FBRS: variants seen among roughly 807,000 people sequenced by gnomAD.
The protein encoded by FBRS is probable fibrosin-1.
In FBRS, 15 loss-of-function variants were observed where a neutral mutation model predicts 86.1. The observed-to-expected ratio is 0.17, with a 90% CI of 0.12 to 0.27. The LOEUF (loss-of-function observed/expected upper bound fraction) is 0.27, where lower values mean the gene tolerates loss of function less well. Ranked by LOEUF, FBRS falls within the 10% of genes least tolerant of loss-of-function variation. FBRS has a pLI of 1.00. For missense variants in FBRS, 1,367 were observed against 1,301.6 expected, an observed-to-expected ratio of 1.05 and a Z score of -0.77; for synonymous variants, 666 against 575.8, an observed-to-expected ratio of 1.16 and a Z score of -2.24.
rs1374955464 is a variant in FBRS at position 30,669,468 on chromosome 16, C to A, written c.2766C>A (p.His922Gln). ...GCCTCTACGGTCTGGAACCTGCTCACCCCTTGCTCTACAGCCGCTTGGCTC... is the reference window on the plus strand; with the variant it reads ...GCCTCTACGGTCTGGAACCTGCTCAACCCTTGCTCTACAGCCGCTTGGCTC... ...AARLYGLEPAHPLLYSRLAPP... is the reference protein window; with the variant it reads ...AARLYGLEPAQPLLYSRLAPP... Residue 922 changes from histidine to glutamine, a missense_variant, in exon 18 of 18, where the codon CAC becomes CAA. Around this residue, in one of 3 missense-constraint regions of FBRS, gnomAD observed 659 missense variants for 678.8 expected, o/e 0.97. Coordinates refer to ENST00000356166, the MANE Select transcript of FBRS (RefSeq NM_001105079.3). This position sits in a 1 kb window ranked among gnomAD's most constrained non-coding sequence, Gnocchi z 5.9. The A allele has an allele frequency of 6.2e-7, 1 of 1,613,214 alleles. No homozygotes were observed. The highest frequency in any genetic ancestry group is 8.5e-7 in the Non-Finnish European group (1 of 1,179,800).
intron 11 of FBRS, chr16:30,666,103 C>G (rs973548825): frequency 1.5e-5 from 6 of 390,966 alleles, no homozygotes; most frequent in Non-Finnish European, 2.8e-5. Flanking sequence ...CCCAGGGCTG[C>G]GGGAACGTTG....
At position 30,668,960 on chromosome 16, in the gene FBRS, A is replaced by C; in HGVS notation, c.2347A>C (p.Thr783Pro). The change falls in exon 17 of 18, where the codon ACC (threonine) becomes CCC (proline). Residue 783 changes from threonine to proline, a missense_variant. Physicochemically the swap from Thr to Pro is conservative, Grantham distance 38. Transcript: ENST00000356166. ...RPVERREPSI[T>P]KEEKDRDLPF... ...TGTGGAGCGGAGGGAGCCCTCCATC[A>C]CCAAGGAGGAGAAGGACAGGTGTGC... is the stretch of plus-strand genomic sequence containing the variant. 1 of 1,582,988 alleles carries C rather than the reference A, an allele frequency of 6.3e-7. No individual in the cohort carries two copies. The highest frequency in any genetic ancestry group is 8.6e-7 in the Non-Finnish European group (1 of 1,166,890).
In FBRS at chr16:30,658,920, A is replaced by T. The variant is rs958832693; in HGVS notation, c.-599A>T. On this transcript the variant is annotated 5_prime_UTR_variant, in exon 1 of 18. Transcript: ENST00000356166. ...TTTTCTTTACGTCCTCCTCCCCCAC[A>T]CACAAGAAGTCTTTTAAATTCAACT... is the stretch of plus-strand genomic sequence containing the variant. 1 of 152,198 alleles carries T rather than the reference A, an allele frequency of 6.6e-6. No homozygotes were observed. The highest frequency in any genetic ancestry group is 2.4e-5 in the African/African-American group (1 of 41,422). 9.4% of individuals were successfully genotyped at this position (152,198 alleles called of 1,614,324 possible).
chr16:30,661,863 C>T (rs1433623419), intron 4 of FBRS: 3 of 180,828 alleles, frequency 1.7e-5, no homozygotes, highest in Admixed American at 1.1e-4. Context: ...AATTTGCACT[C>T]CCTGATGTGT....
intron 15 of FBRS, chr16:30,668,264 T>C (rs1429241996): frequency 2.5e-6 from 1 of 403,802 alleles, no homozygotes; most frequent in Non-Finnish European, 4.5e-6. Flanking sequence ...CCTGGGTTGG[T>C]ACCGCTCCCT....
At position 30,660,371 on chromosome 16, in the gene FBRS, T is replaced by G; in HGVS notation, c.568T>G (p.Ser190Ala). Reference protein sequence around the residue: ...SGATGEPGDSSDREPGRPPGD... With the variant: ...SGATGEPGDSADREPGRPPGD... ...GGCCACCGGGGAGCCAGGGGACAGC[T>G]CTGATCGAGAGCCTGGCCGGCCCCC... The change falls in exon 2 of 18, where the codon TCT becomes GCT. Residue 190 changes from serine (S) to alanine (A), a missense_variant. Ser to Ala is a moderately conservative substitution (Grantham distance 99, BLOSUM62 1). Coordinates refer to ENST00000356166, the MANE Select transcript of FBRS (RefSeq NM_001105079.3). 2 of 1,272,734 alleles carry G rather than the reference T, an allele frequency of 1.6e-6. No individual in the cohort carries two copies. Among genetic ancestry groups the G allele is most frequent in the East Asian group, 3.1e-5 (1 of 31,904 alleles). 78.8% of individuals were successfully genotyped at this position (1,272,734 alleles called of 1,614,324 possible).
At chr16:30,660,221 T>C in intron 1 of FBRS, 42 bp from the exon 2 acceptor site, 1 of 1,332,018 alleles carries the variant, frequency 7.5e-7, no homozygotes, top group Non-Finnish European at 9.7e-7. Flanking sequence ...GTTGGGAGCT[T>C]GCCCTTTTCC....
chr16:30,660,300 A>T lies in FBRS; in HGVS notation c.497A>T (p.His166Leu). 2 of 1,303,332 alleles carry T rather than the reference A, an allele frequency of 1.5e-6. No individual in the cohort carries two copies. Among genetic ancestry groups the T allele is most frequent in the Non-Finnish European group, 2.0e-6 (2 of 1,017,400 alleles). 80.7% of individuals were successfully genotyped at this position (1,303,332 alleles called of 1,614,324 possible). The change falls in exon 2 of 18, where the codon CAT becomes CTT. Residue 166 changes from histidine (H) to leucine (L), a missense_variant. By Grantham distance (99) the His-to-Leu change is moderately conservative (BLOSUM62 -3). Coordinates refer to ENST00000356166, the MANE Select transcript of FBRS (RefSeq NM_001105079.3). ...ASLQPPERLEHRLKHSGKRKR... is the reference protein window; with the variant it reads ...ASLQPPERLELRLKHSGKRKR... ...CTTCAGCCCCCAGAGCGACTGGAAC[A>T]TCGGCTGAAGCATTCTGGGAAGCGG...
chr16:30,662,608 C>G lies in FBRS; in HGVS notation c.804C>G (p.Ser268=). 1 of 1,541,830 alleles carries G rather than the reference C, an allele frequency of 6.5e-7. No homozygotes were observed. Among genetic ancestry groups the G allele is most frequent in the South Asian group, 1.2e-5 (1 of 83,492 alleles). Residue 268 remains serine (S), a synonymous_variant, in exon 6 of 18, where the codon TCC becomes TCG. Coordinates refer to ENST00000356166, the MANE Select transcript of FBRS (RefSeq NM_001105079.3). The stretch of plus-strand genomic sequence containing the variant: ...ATGGGAACTGTGAAGCAAAACTCTC[C>G]GTGGTCCCTAAAGTGTCGGGCCTGG... ...AFNGNCEAKL[S]VVPKVSGLER...
In FBRS at chr16:30,660,386, G is replaced by C. The variant is rs1365081185; in HGVS notation, c.583G>C (p.Gly195Arg). 8 of 1,263,808 alleles carry C rather than the reference G, an allele frequency of 6.3e-6. No homozygotes were observed. The highest frequency in any genetic ancestry group is 8.0e-6 in the Non-Finnish European group (8 of 995,272). The allele number at this position is 1,263,808 out of a possible 1,614,324, so 78.3% of individuals were successfully genotyped here. ...AGGGGACAGCTCTGATCGAGAGCCTGGCCGGCCCCCTGGGGATCGGGCCCG... is the reference window on the plus strand; with the variant it reads ...AGGGGACAGCTCTGATCGAGAGCCTCGCCGGCCCCCTGGGGATCGGGCCCG... ...EPGDSSDREP[G>R]RPPGDRARKW... The change falls in exon 2 of 18, where the codon GGC becomes CGC. Residue 195 changes from glycine (G) to arginine (R), a missense_variant. Physicochemically the swap from Gly to Arg is moderately radical, Grantham distance 125 (BLOSUM62 -2). Transcript: ENST00000356166.
chr16:30,667,196 A>C (rs2052533442), intron 13 of FBRS, 124 bp from the exon 14 acceptor site: 3 of 939,570 alleles, frequency 3.2e-6, no homozygotes, highest in Admixed American at 5.0e-5. Context: ...AGAGAGGCAG[A>C]AGATAGGCAT....
Position 30,668,578 on chromosome 16 carries a change from C to T in FBRS, c.2093C>T (p.Thr698Ile), listed in dbSNP as rs1202606729. Reference sequence around the variant, plus strand: ...CCCACAGATCCCTTTGGGCGTCCCACAAGCTTCGCCTCTTTGGCTGCCCTC... The same window carrying T: ...CCCACAGATCCCTTTGGGCGTCCCATAAGCTTCGCCTCTTTGGCTGCCCTC... ...STHIDPFGRP[T>I]SFASLAALSN... Residue 698 changes from threonine (T) to isoleucine (I), a missense_variant, in exon 16 of 18, where the codon ACA (threonine) becomes ATA (isoleucine). Physicochemically the swap from Thr to Ile is moderately conservative, Grantham distance 89 (BLOSUM62 -1). Coordinates refer to ENST00000356166, the MANE Select transcript of FBRS (RefSeq NM_001105079.3). The T allele has an allele frequency of 1.2e-6, 2 of 1,612,390 alleles. No homozygotes were observed. Among genetic ancestry groups the T allele is most frequent in the South Asian group, 1.1e-5 (1 of 91,012 alleles).
At chr16:30,664,095 G>C (rs528575103) in intron 6 of FBRS, 120 bp from the exon 7 acceptor site, 162 of 1,187,002 alleles carry the variant, frequency 1.4e-4, no homozygotes, top group Non-Finnish European at 1.7e-4. Context: ...TCCTGGGGCT[G>C]GGTTCTGCCA....
In FBRS at chr16:30,666,119, C is replaced by T. The variant is rs1198071407; in HGVS notation, c.1774-393C>T. ...CCAGGGCTGCGGGAACGTTGTGAAA[C>T]GCACAGGACCAGTTTCCTACAGGGA... On this transcript the variant is annotated intron_variant, in intron 11 of 17. Transcript: ENST00000356166. 4.7e-5 allele frequency: 19 copies of T among 400,838 alleles called. No individual in the cohort carries two copies. In the East Asian group the frequency reaches 6.1e-4, roughly 13 times the overall value. 24.8% of individuals were successfully genotyped at this position (400,838 alleles called of 1,614,324 possible).
chr16:30,660,628 C>A (rs558541241), intron 2 of FBRS, 186 bp downstream of exon 2: 1 of 987,724 alleles, frequency 1.0e-6, no homozygotes, highest in Non-Finnish European at 1.3e-6. Flanking sequence ...GGTGCACCTC[C>A]TTTTGCCTGG....
chr16:30,659,911 AGAG>A lies in FBRS; in HGVS notation c.405_407del (p.Glu135del), dbSNP rs1346748496. The stretch of plus-strand genomic sequence containing the variant: ...CCGAGGAGGAGCCTGAGGAGGAGGA[AGAG>A]GAGGAGGAGGACTTGATCGATGGCT... On this transcript the variant is annotated inframe_deletion, in exon 1 of 18. Coordinates refer to ENST00000356166, the MANE Select transcript of FBRS (RefSeq NM_001105079.3). 52 of 1,551,182 alleles carry A rather than the reference AGAG, an allele frequency of 3.4e-5. No homozygotes were observed. Among genetic ancestry groups the A allele is most frequent in the Middle Eastern group, 1.7e-4 (1 of 5,850 alleles).
In FBRS at chr16:30,668,836, G is replaced by A. The variant is rs777120720; in HGVS notation, c.2223G>A (p.Pro741=). 15 of 1,595,506 alleles carry A rather than the reference G, an allele frequency of 9.4e-6. No individual in the cohort carries two copies. Among genetic ancestry groups the A allele is most frequent in the East Asian group, 4.5e-5 (2 of 44,368 alleles). Residue 741 remains proline, a synonymous_variant, in exon 17 of 18, where the codon CCG becomes CCA. Coordinates refer to ENST00000356166, the MANE Select transcript of FBRS (RefSeq NM_001105079.3). ...PGAPPAFASP[P]DPWGRLHRSP... is the part of the protein sequence containing the mutation. The stretch of plus-strand genomic sequence containing the variant: ...CCCCACCAGCCTTCGCCTCCCCACC[G>A]GACCCATGGGGCCGCCTGCACCGCA...
chr16:30,667,356 C>T lies in FBRS; in HGVS notation c.1912C>T (p.Leu638=). Residue 638 remains leucine (L), a synonymous_variant, in exon 14 of 18, where the codon CTG becomes TTG. Coordinates refer to ENST00000356166, the MANE Select transcript of FBRS (RefSeq NM_001105079.3). ...SHKLDFRNDL[L]PCLPGPYGAL... ...CAAGCTTGACTTTCGGAATGACCTC[C>T]TGCCCTGCCTTCCGGGGCCCTATGG... 13 of 1,554,272 alleles carry T rather than the reference C, an allele frequency of 8.4e-6. No individual in the cohort carries two copies. The highest frequency in any genetic ancestry group is 1.1e-5 in the Non-Finnish European group (13 of 1,148,480).
Position 30,664,649 on chromosome 16 carries a change from G to A in FBRS, c.1358-66G>A, listed in dbSNP as rs1011920667. On this transcript the variant is annotated intron_variant, in intron 7 of 17. Coordinates refer to ENST00000356166, the MANE Select transcript of FBRS (RefSeq NM_001105079.3). ...GTGGCTCGAGGCCAGAGGGAAGGCA[G>A]TCACCTGGGCCCAAGGAGGCTGATG... 4.8e-6 allele frequency: 7 copies of A among 1,452,214 alleles called. No individual in the cohort carries two copies. The Admixed American group carries it at 1.3e-4, about 28-fold the overall frequency. The allele number at this position is 1,452,214 out of a possible 1,614,324, so 90.0% of individuals were successfully genotyped here.
Sources: allele counts gnomAD v4.1 joint callset, GRCh38; gene constraint gnomAD v4.1.1; regional missense constraint gnomAD v4.1.1; non-coding constraint Gnocchi (gnomAD v3.1); transcripts MANE v1.5; gene names NCBI Gene and HGNC (gene_info 2026-07-23, HGNC 2026-07-21).